DNAH2: variants seen among roughly 807,000 people sequenced by gnomAD.
The protein encoded by DNAH2 is dynein axonemal heavy chain 2.
DNAH2 carries 323 observed loss-of-function variants against 523.5 expected under a neutral mutation model. That is an observed-to-expected ratio of 0.62 (90% CI 0.56 to 0.68). The LOEUF (loss-of-function observed/expected upper bound fraction) is 0.68. DNAH2 is among the 30% of genes least tolerant of loss of function. DNAH2 has a pLI of 0.00. For synonymous variants in DNAH2, 2,093 were observed against 2,177.4 expected (o/e 0.96, Z 1.08); for missense variants, 4,907 against 5,701.5 (o/e 0.86, Z 4.49).
chr17:7,759,041 C>T lies in DNAH2; in HGVS notation c.2365C>T (p.Gln789Ter). Residue 789 changes from glutamine to a stop codon, truncating the protein, a stop_gained, in exon 15 of 86, where the codon CAG becomes TAG. Coordinates refer to ENST00000572933, the MANE Select transcript of DNAH2 (RefSeq NM_020877.5). LOFTEE classifies it high-confidence loss of function. Reference protein sequence around the residue: ...EDQREHRAAVQQKLMNLHQDV... With the variant: ...EDQREHRAAV Reference sequence around the variant, plus strand: ...CCAAAGAGAGCATCGGGCAGCTGTACAGCAGAAATTGATGAACCTGCACCA... The same window carrying T: ...CCAAAGAGAGCATCGGGCAGCTGTATAGCAGAAATTGATGAACCTGCACCA... 6.2e-7 allele frequency: 1 copy of T among 1,614,172 alleles called. No homozygotes were observed. Among genetic ancestry groups the T allele is most frequent in the Non-Finnish European group, 8.5e-7 (1 of 1,180,036 alleles).
At chr17:7,792,116 C>A in intron 45 of DNAH2, 47 bp downstream of exon 45, 1 of 1,608,004 alleles carries the variant, frequency 6.2e-7, no homozygotes. Context: ...TTTCCAGACC[C>A]CCTGGGCATC....
chr17:7,734,493 C>A lies in DNAH2; in HGVS notation c.763C>A (p.Gln255Lys), dbSNP rs2075085501. ...AGCCTCCATGATCCACTGGACCCGG[C>A]AGATAAAGGAGATGCTCAGTGCCCA... ...LETSMIHWTR[Q>K]IKEMLSAQET... The change falls in exon 7 of 86, where the codon CAG becomes AAG. Residue 255 changes from glutamine (Q) to lysine (K), a missense_variant. Transcript: ENST00000572933. 1.2e-6 allele frequency: 2 copies of A among 1,613,658 alleles called. No homozygotes were observed. The highest frequency in any genetic ancestry group is 1.1e-5 in the South Asian group (1 of 91,046).
Position 7,765,577 on chromosome 17 carries a change from T to TTC in DNAH2, c.3511+12_3511+13insTC. The stretch of plus-strand genomic sequence containing the variant: ...TTTCGAATTCAAAGGTACTCCTTGA[T>TTC]CCACCTCTCCCGCTTCTTTAGCCTT... On this transcript the variant is annotated intron_variant, in intron 21 of 85. Coordinates refer to ENST00000572933, the MANE Select transcript of DNAH2 (RefSeq NM_020877.5). 1 of 1,607,518 alleles carries TTC rather than the reference T, an allele frequency of 6.2e-7. No homozygotes were observed. Among genetic ancestry groups the TTC allele is most frequent in the Non-Finnish European group, 8.5e-7 (1 of 1,176,414 alleles).
rs200687958 is a variant in DNAH2, at chr17:7,723,008, T to C, written c.167-620T>C. Among the ~76,000 whole-genome samples, 72 of 146,812 alleles carry C rather than the reference T, an allele frequency of 4.9e-4. 1 individual carries two copies. The East Asian group carries it at 5.3e-3, about 11-fold the overall frequency. On this transcript the variant is annotated intron_variant, in intron 2 of 85. Transcript: ENST00000572933. ...TTTTGAGACAGAGTCTTCGCTCTGT[T>C]GCCCAGGCTGGAGTGCAGTGGCGCA...
At chr17:7,746,336 G>A (rs1881550828) in intron 12 of DNAH2, among the ~76,000 whole-genome samples, 2 of 152,090 alleles carry the variant, frequency 1.3e-5, no homozygotes, top group South Asian at 2.1e-4. Context: ...TCAGATTCTT[G>A]TATAATATTC....
At chr17:7,792,522 G>C (rs1274883592) in intron 46 of DNAH2, 135 bp from the exon 47 acceptor site, 1 of 972,788 alleles carries the variant, frequency 1.0e-6, no homozygotes, top group East Asian at 2.6e-5. Flanking sequence ...GGGTCTCTGA[G>C]GGGAGCACAT....
chr17:7,744,426 T>C (rs1189417859), intron 12 of DNAH2, among the ~76,000 whole-genome samples: 2 of 148,646 alleles, frequency 1.3e-5, no homozygotes, highest in African/African-American at 5.0e-5. Context: ...CAGCAAAAGG[T>C]GGCCCAACCA....
chr17:7,752,270 T>C (rs1392931392), intron 12 of DNAH2, among the ~76,000 whole-genome samples: 2 of 152,230 alleles, frequency 1.3e-5, no homozygotes, highest in East Asian at 3.9e-4. Flanking sequence ...TGATAATATC[T>C]ACCTAGTCAC....
Position 7,754,963 on chromosome 17 carries a change from G to GCA in DNAH2, c.1905-2127_1905-2126dup. The stretch of plus-strand genomic sequence containing the variant: ...CGCTATTGGTACAAATAAGCCTGAG[G>GCA]CAGAAAAAAAAAAAAAAAGAATAGG... On this transcript the variant is annotated intron_variant, in intron 12 of 85. Transcript: ENST00000572933. The surrounding 1 kb of genome is among the most constrained non-coding windows in gnomAD (Gnocchi z 4.6). 2.6e-6 allele frequency: 1 copy of GCA among 388,922 alleles called. No individual in the cohort carries two copies. The highest frequency in any genetic ancestry group is 4.5e-6 in the Non-Finnish European group (1 of 219,862). The allele number at this position is 388,922 out of a possible 1,614,324, so 24.1% of individuals were successfully genotyped here.
At chr17:7,737,371 C>T (rs1395451212) in intron 8 of DNAH2, 113 bp downstream of exon 8, 2 of 1,158,198 alleles carry the variant, frequency 1.7e-6, no homozygotes, top group Non-Finnish European at 2.4e-6. Flanking sequence ...GTGAAGATTG[C>T]CCTTCTGCTC....
chr17:7,763,746 G>C (rs2076073102), intron 18 of DNAH2, 85 bp from the exon 19 acceptor site: 12 of 1,537,244 alleles, frequency 7.8e-6, no homozygotes, highest in Non-Finnish European at 1.1e-5. Context: ...TGGGTGGAAG[G>C]AAATGAGACC....
chr17:7,796,990 T>C (rs1425857736), intron 50 of DNAH2, among the ~76,000 whole-genome samples, 186 bp from the exon 51 acceptor site: 1 of 146,490 alleles, frequency 6.8e-6, no homozygotes, highest in Non-Finnish European at 1.5e-5. Flanking sequence ...TAGTCCCAGC[T>C]ACATGGGAGG....
intron 77 of DNAH2, among the ~76,000 whole-genome samples, chr17:7,829,800 G>T (rs1160127499): frequency 1.3e-5 from 2 of 151,778 alleles, no homozygotes; most frequent in Non-Finnish European, 2.9e-5. Flanking sequence ...CGAGGCGGGT[G>T]GATTGCTTGA....
intron 11 of DNAH2, among the ~76,000 whole-genome samples, chr17:7,742,021 T>C (rs1362981317): frequency 6.6e-6 from 1 of 151,980 alleles, no homozygotes; most frequent in Non-Finnish European, 1.5e-5. Flanking sequence ...ATCTGGGGTG[T>C]TGGGTCAGTA....
At position 7,779,345 on chromosome 17, in the gene DNAH2, G is replaced by C. The variant is rs766748328; in HGVS notation, c.5644G>C (p.Gly1882Arg). Residue 1882 changes from glycine to arginine, a missense_variant, in exon 36 of 86, where the codon GGC becomes CGC. Coordinates refer to ENST00000572933, the MANE Select transcript of DNAH2 (RefSeq NM_020877.5). ...GTGCATCCTGTCTGCCCTGGCTGCC[G>C]GCCTCACCCATTTCCATTTTGATGG... ...ILCILSALAA[G>R]LTHFHFDGFE... 3 of 1,613,930 alleles carry C rather than the reference G, an allele frequency of 1.9e-6. No individual in the cohort carries two copies. The highest frequency in any genetic ancestry group is 2.2e-5 in the South Asian group (2 of 91,060).
At chr17:7,818,122 C>G in intron 68 of DNAH2, 26 bp downstream of exon 68, 1 of 1,608,754 alleles carries the variant, frequency 6.2e-7, no homozygotes, top group Non-Finnish European at 8.5e-7. Flanking sequence ...CAAGACCAGC[C>G]AAGTGGGATG....
At chr17:7,729,282 G>C (rs1448628623) in intron 4 of DNAH2, among the ~76,000 whole-genome samples, 2 of 151,646 alleles carry the variant, frequency 1.3e-5, no homozygotes, top group Non-Finnish European at 2.9e-5. Context: ...AGACAGGCCT[G>C]TGCCTTTAGT....
chr17:7,767,216 C>T (rs770196547), intron 22 of DNAH2, among the ~76,000 whole-genome samples: 1 of 151,814 alleles, frequency 6.6e-6, no homozygotes, highest in Non-Finnish European at 1.5e-5. Flanking sequence ...TGGCTTCTTT[C>T]GCTTAGCATA....
In DNAH2 at chr17:7,776,902, G is replaced by A. The variant is rs1452126668; in HGVS notation, c.5058+13G>A. The A allele has an allele frequency of 6.3e-7, 1 of 1,599,672 alleles. No individual in the cohort carries two copies. On this transcript the variant is annotated intron_variant, in intron 32 of 85. Transcript: ENST00000572933. ...GAAGAAGAACCAGGTGAGAGGCTGG[G>A]CGCACTGGCTCATGCTTGTAATCCC...
Sources: gnomAD v4.1 joint callset for allele counts (sites outside exome capture counted in the v4.1 genomes callset) on GRCh38, gnomAD v4.1.1 for gene constraint, Gnocchi (gnomAD v3.1) non-coding constraint, MANE v1.5 for transcripts, NCBI Gene and HGNC (gene_info 2026-07-23, HGNC 2026-07-21) for gene names.